BNC2: variants seen among roughly 807,000 people sequenced by gnomAD.
BNC2 encodes the protein zinc finger protein basonuclin-2.
A neutral mutation model predicts 76.3 loss-of-function variants in BNC2; 20 were observed. The observed-to-expected ratio is 0.26, with a 90% CI of 0.18 to 0.38. The LOEUF is 0.38. Among genes scored for constraint, BNC2 ranks in the 10% least tolerant of loss-of-function variants. BNC2 has a pLI of 1.00. For missense variants in BNC2, 1,382 were observed against 1,399.8 expected, an observed-to-expected ratio of 0.99 and a Z score of 0.20; for synonymous variants, 582 against 514.8, an observed-to-expected ratio of 1.13 and a Z score of -1.77.
intron 3 of BNC2, among the ~76,000 whole-genome samples, chr9:16,616,790 G>GTGAAGGAAGGAAGGAA (rs1820712442): frequency 9.7e-5 from 1 of 10,338 alleles, no homozygotes; most frequent in Non-Finnish European, 5.8e-4. Context: ...GGAGGAAGGA[G>GTGAAGGAAGGAAGGAA]GGAAGGAAGG....
At chr9:16,836,821 T>C (rs1818718589) in intron 1 of BNC2, among the ~76,000 whole-genome samples, 1 of 152,046 alleles carries the variant, frequency 6.6e-6, no homozygotes, top group South Asian at 2.1e-4. Flanking sequence ...AAGAAAAATA[T>C]ATAGGCAAAT....
At chr9:16,595,486 A>AT (rs1441849182) in intron 3 of BNC2, among the ~76,000 whole-genome samples, 1 of 152,090 alleles carries the variant, frequency 6.6e-6, no homozygotes, top group African/African-American at 2.4e-5. Context: ...GCACATCTTG[A>AT]TTTTACCAGT....
chr9:16,436,138 T>G lies in BNC2; in HGVS notation c.2056A>C (p.Met686Leu), dbSNP rs1312633813. Residue 686 changes from methionine (M) to leucine (L), a missense_variant, in exon 6 of 7, where the codon ATG becomes CTG. Physicochemically the swap from Met to Leu is conservative, Grantham distance 15. This residue lies in a region of BNC2 where 798 missense variants were observed against 775.5 expected (regional missense o/e 1.03). Transcript: ENST00000380672. The part of the protein sequence containing the change: ...CHSQEEMSPG[M>L]SVKDFSKHNR... The stretch of plus-strand genomic sequence containing the variant: ...TGCTTAGAAAAGTCCTTCACAGACA[T>G]GCCTGGGCTCATCTCCTCTTGGGAG... The G allele has an allele frequency of 1.2e-6, 2 of 1,614,204 alleles. No homozygotes were observed. The highest frequency in any genetic ancestry group is 3.3e-5 in the Admixed American group (2 of 60,022).
chr9:16,654,316 C>G (rs79440743), intron 3 of BNC2, among the ~76,000 whole-genome samples: 1 of 152,270 alleles, frequency 6.6e-6, no homozygotes, highest in African/African-American at 2.4e-5. Flanking sequence ...CAGGGCATAA[C>G]ATAAGCATTA....
At chr9:16,870,217 G>T (rs1035073568) in intron 1 of BNC2, among the ~76,000 whole-genome samples, 7 of 151,970 alleles carry the variant, frequency 4.6e-5, no homozygotes, top group African/African-American at 1.7e-4. Flanking sequence ...AAAAGTTCCC[G>T]TAGGTCCCAG....
chr9:16,492,629 C>T (rs1345658292), intron 5 of BNC2, among the ~76,000 whole-genome samples: 1 of 151,994 alleles, frequency 6.6e-6, no homozygotes, highest in African/African-American at 2.4e-5. Flanking sequence ...ACTGAGAAAT[C>T]ATATGATGTA....
intron 3 of BNC2, among the ~76,000 whole-genome samples, chr9:16,682,668 G>A (rs1348971706): frequency 6.6e-6 from 1 of 152,064 alleles, no homozygotes; most frequent in Non-Finnish European, 1.5e-5. Flanking sequence ...AGGAGCCTGT[G>A]GTTTATAAAA....
intron 2 of BNC2, 102 bp downstream of exon 2, chr9:16,738,258 A>C (rs1824736396): frequency 4.6e-6 from 6 of 1,307,608 alleles, no homozygotes; most frequent in African/African-American, 1.5e-5. Flanking sequence ...AGACAGTAAA[A>C]GAGTGGCAGA....
chr9:16,739,516 A>G (rs1450511667), intron 1 of BNC2, among the ~76,000 whole-genome samples: 1 of 152,174 alleles, frequency 6.6e-6, no homozygotes, highest in Admixed American at 6.5e-5. Context: ...TAAAAATACA[A>G]AAGAAGTTAG....
intron 3 of BNC2, among the ~76,000 whole-genome samples, chr9:16,722,740 T>C (rs1314702464): frequency 6.6e-6 from 1 of 152,210 alleles, no homozygotes; most frequent in Non-Finnish European, 1.5e-5. Flanking sequence ...CCTGAGAATA[T>C]GTTTGTGCAT....
intron 3 of BNC2, 27 bp from the exon 4 acceptor site, chr9:16,583,112 T>A (rs1288551333): frequency 6.4e-7 from 1 of 1,565,424 alleles, no homozygotes; most frequent in Non-Finnish European, 8.8e-7. Flanking sequence ...GAAAAAAAGG[T>A]CAGCATCTGT....
chr9:16,566,770 G>C (rs1484865706), intron 4 of BNC2, among the ~76,000 whole-genome samples: 1 of 152,066 alleles, frequency 6.6e-6, no homozygotes, highest in Non-Finnish European at 1.5e-5. Flanking sequence ...AGTCGTCAGA[G>C]AATAGTCACA....
intron 4 of BNC2, among the ~76,000 whole-genome samples, chr9:16,578,886 A>G (rs941969040): frequency 2.0e-5 from 3 of 152,220 alleles, no homozygotes; most frequent in African/African-American, 7.2e-5. Flanking sequence ...TAGTGGCAGT[A>G]AACTGGAGTC....
chr9:16,653,019 A>T lies in BNC2; in HGVS notation c.331-69934T>A, dbSNP rs1821834965. On this transcript the variant is annotated intron_variant, in intron 3 of 6. Coordinates refer to ENST00000380672, the MANE Select transcript of BNC2 (RefSeq NM_017637.6). ...TCTTGATTTCAAAATGTTGGCGGTT[A>T]TATGTTTCTATTTATATTAGATGAT... Among the ~76,000 whole-genome samples, 8 of 152,228 alleles carry T rather than the reference A, an allele frequency of 5.3e-5. No individual in the cohort carries two copies. The South Asian group carries it at 1.5e-3, about 28-fold the overall frequency.
chr9:16,555,612 G>C (rs1013843445), intron 4 of BNC2, among the ~76,000 whole-genome samples: 1 of 151,712 alleles, frequency 6.6e-6, no homozygotes, highest in Non-Finnish European at 1.5e-5. Flanking sequence ...TGGGCAATGC[G>C]GTGAAACTCC....
chr9:16,809,284 T>C (rs1050313225), intron 1 of BNC2, among the ~76,000 whole-genome samples: 2 of 152,028 alleles, frequency 1.3e-5, no homozygotes, highest in East Asian at 3.9e-4. Context: ...ACCTTTTCAG[T>C]GGTCTACAGT....
rs893852708 is a variant in BNC2 at position 16,416,885 on chromosome 9, A to G, written c.*2104T>C. ...TAAATCCTACAGGAATAATAACAAC[A>G]GAAACATATTAACAGTTTCCTTTGG... On this transcript the variant is annotated 3_prime_UTR_variant, in exon 7 of 7. Coordinates refer to ENST00000380672, the MANE Select transcript of BNC2 (RefSeq NM_017637.6). The G allele has an allele frequency of 6.6e-6, 1 of 152,656 alleles. No homozygotes were observed. The highest frequency in any genetic ancestry group is 2.4e-5 in the African/African-American group (1 of 41,462). The allele number at this position is 152,656 out of a possible 1,614,324, so 9.5% of individuals were successfully genotyped here.
At chr9:16,539,124 T>A (rs966316057) in intron 5 of BNC2, among the ~76,000 whole-genome samples, 1 of 152,166 alleles carries the variant, frequency 6.6e-6, no homozygotes, top group African/African-American at 2.4e-5. Context: ...TGTCTGTCTG[T>A]TTACTACTTG....
At chr9:16,856,955 T>C (rs1586940111) in intron 1 of BNC2, among the ~76,000 whole-genome samples, 1 of 152,198 alleles carries the variant, frequency 6.6e-6, no homozygotes, top group Non-Finnish European at 1.5e-5. Flanking sequence ...GTTACTTACA[T>C]TCTTTATGAC....
Sources: allele counts gnomAD v4.1 joint callset (sites outside exome capture counted in the v4.1 genomes callset), GRCh38; gene constraint gnomAD v4.1.1; regional missense constraint gnomAD v4.1.1; transcripts MANE v1.5; gene names NCBI Gene and HGNC (gene_info 2026-07-23, HGNC 2026-07-21).